Variants in LARGE1 observed in about 807,000 individuals in gnomAD.
LARGE1 encodes the protein xylosyl- and glucuronyltransferase LARGE1.
LARGE1 carries 43 observed loss-of-function variants against 87.6 expected under a neutral mutation model. The observed-to-expected ratio is 0.49, with a 90% CI of 0.38 to 0.63. The LOEUF is 0.63. LARGE1 is among the 30% of genes least tolerant of loss of function. The pLI, the probability that LARGE1 is intolerant of heterozygous loss-of-function variation, is 0.00. For synonymous variants in LARGE1, 434 were observed against 394.6 expected (o/e 1.10, Z -1.18); for missense variants, 802 against 1,000.2 (o/e 0.80, Z 2.67).
At chr22:33,312,814 A>C (rs1935750641) in intron 11 of LARGE1, among the ~76,000 whole-genome samples, 1 of 152,228 alleles carries the variant, frequency 6.6e-6, no homozygotes, top group African/African-American at 2.4e-5. Context: ...ATCATTCAGC[A>C]CTGACATGGA....
intron 7 of LARGE1, among the ~76,000 whole-genome samples, chr22:33,409,773 A>C (rs2066240255): frequency 6.6e-6 from 1 of 151,578 alleles, no homozygotes; most frequent in South Asian, 2.1e-4. Flanking sequence ...AGGCAGGAGA[A>C]TCACTTGAAC....
intron 3 of LARGE1, among the ~76,000 whole-genome samples, chr22:33,636,521 G>A (rs1047122391): frequency 6.6e-6 from 1 of 152,138 alleles, no homozygotes; most frequent in African/African-American, 2.4e-5. Flanking sequence ...TCTATAAAGA[G>A]GAGTAATAAA....
intron 2 of LARGE1, among the ~76,000 whole-genome samples, chr22:33,682,429 G>A (rs1488669169): frequency 6.6e-6 from 1 of 152,116 alleles, no homozygotes; most frequent in African/African-American, 2.4e-5. Context: ...ACCCCAGGCT[G>A]TTCCCTGTCA....
chr22:33,738,208 C>A (rs1021284359), intron 2 of LARGE1, among the ~76,000 whole-genome samples: 1 of 152,160 alleles, frequency 6.6e-6, no homozygotes, highest in South Asian at 2.1e-4. Context: ...GCAAATAAAG[C>A]CCATTCTGGG....
intron 1 of LARGE1, among the ~76,000 whole-genome samples, chr22:33,825,260 G>A (rs887637657): frequency 6.6e-6 from 1 of 152,100 alleles, no homozygotes; most frequent in East Asian, 1.9e-4. Context: ...TTCAGAATAC[G>A]GATATTTATC....
chr22:33,419,087 G>A (rs905184686), intron 7 of LARGE1, among the ~76,000 whole-genome samples: 5 of 152,068 alleles, frequency 3.3e-5, no homozygotes, highest in African/African-American at 9.7e-5. Flanking sequence ...GAGGCCTCAG[G>A]AAACTTACAA....
At chr22:33,426,613 C>T (rs958331579) in intron 7 of LARGE1, among the ~76,000 whole-genome samples, 1 of 152,220 alleles carries the variant, frequency 6.6e-6, no homozygotes, top group Non-Finnish European at 1.5e-5. Flanking sequence ...CCTTTTGAAT[C>T]TCTGCCACAG....
At chr22:33,659,410 T>G (rs1301020932) in intron 2 of LARGE1, among the ~76,000 whole-genome samples, 1 of 152,128 alleles carries the variant, frequency 6.6e-6, no homozygotes, top group African/African-American at 2.4e-5. Flanking sequence ...ATCTTAAAAG[T>G]TAATTTTGAT....
At chr22:33,441,349 C>A (rs2067469934) in intron 6 of LARGE1, among the ~76,000 whole-genome samples, 1 of 152,094 alleles carries the variant, frequency 6.6e-6, no homozygotes, top group Admixed American at 6.6e-5. Flanking sequence ...GCTGGGATTA[C>A]AGACATGAGC....
chr22:33,692,518 C>T (rs1431925806), intron 2 of LARGE1, among the ~76,000 whole-genome samples: 1 of 152,148 alleles, frequency 6.6e-6, no homozygotes, highest in African/African-American at 2.4e-5. Flanking sequence ...ACCATGTTGG[C>T]CAGGCTGGTC....
the LARGE1 span, among the ~76,000 whole-genome samples, chr22:33,120,395 TTTC>T: frequency 1.0e-5 from 1 of 97,924 alleles, no homozygotes; most frequent in Non-Finnish European, 2.0e-5. Context: ...TCTTTCTTTC[TTTC>T]TTTCTTTCTT....
intron 2 of LARGE1, among the ~76,000 whole-genome samples, chr22:33,718,873 C>T (rs865851825): frequency 6.6e-6 from 1 of 152,190 alleles, no homozygotes; most frequent in African/African-American, 2.4e-5. Flanking sequence ...TCACGGCAAC[C>T]TCCACCTCCC....
intron 2 of LARGE1, among the ~76,000 whole-genome samples, chr22:33,712,188 T>C (rs8142640): frequency 0.12 from 18,003 of 152,060 alleles, 1,589 homozygotes; most frequent in African/African-American, 0.24. Context: ...CTATCCCATT[T>C]GGCACAACCC....
intron 5 of LARGE1, among the ~76,000 whole-genome samples, chr22:33,577,360 C>CA (rs2148852143): frequency 6.6e-6 from 1 of 152,280 alleles, no homozygotes; most frequent in South Asian, 2.1e-4. Flanking sequence ...GAGAAGTATG[C>CA]AAAAGCACAC....
At chr22:33,896,192 C>G (rs1053948989) in intron 1 of LARGE1, among the ~76,000 whole-genome samples, 1 of 152,176 alleles carries the variant, frequency 6.6e-6, no homozygotes, top group Admixed American at 6.5e-5. Context: ...AAATATTTAT[C>G]TTTTTAATGA....
At chr22:33,535,885 A>G (rs1441056870) in intron 6 of LARGE1, among the ~76,000 whole-genome samples, 1 of 152,092 alleles carries the variant, frequency 6.6e-6, no homozygotes, top group Admixed American at 6.6e-5. Flanking sequence ...CTCCTCTTCC[A>G]GTACCTTAGT....
chr22:33,268,908 C>T (rs1384258182), downstream of LARGE1, among the ~76,000 whole-genome samples: 1 of 152,068 alleles, frequency 6.6e-6, no homozygotes, highest in East Asian at 1.9e-4. Flanking sequence ...GCACTACTTG[C>T]CATAAAATTT....
intron 7 of LARGE1, among the ~76,000 whole-genome samples, chr22:33,421,241 TC>T: frequency 6.6e-6 from 1 of 151,914 alleles, no homozygotes; most frequent in African/African-American, 2.4e-5. Flanking sequence ...AATCAATCAA[TC>T]AATAAAGGAG....
chr22:33,629,762 C>T (rs549767294), intron 3 of LARGE1, among the ~76,000 whole-genome samples: 3 of 152,264 alleles, frequency 2.0e-5, no homozygotes, highest in South Asian at 2.1e-4. Flanking sequence ...TAAAAATGGT[C>T]ACAACTATTC....
Sources: allele counts gnomAD v4.1 joint callset (sites outside exome capture counted in the v4.1 genomes callset), GRCh38; gene constraint gnomAD v4.1.1; transcripts MANE v1.5; gene names NCBI Gene and HGNC (gene_info 2026-07-23, HGNC 2026-07-21).